PTCH1: variants seen among roughly 807,000 people sequenced by gnomAD.
The protein encoded by PTCH1 is patched 1, also known as protein patched homolog 1.
A neutral mutation model predicts 144.6 loss-of-function variants in PTCH1; 14 were observed. That is an observed-to-expected ratio of 0.10 (90% CI 0.06 to 0.15). The LOEUF (loss-of-function observed/expected upper bound fraction) is 0.15. PTCH1 is among the 10% of genes least tolerant of loss of function. The pLI, the probability that PTCH1 is intolerant of heterozygous loss-of-function variation, is 1.00. For missense variants in PTCH1, 1,623 were observed against 1,948.3 expected, an observed-to-expected ratio of 0.83 and a Z score of 3.14; for synonymous variants, 833 against 793.6, an observed-to-expected ratio of 1.05 and a Z score of -0.83.
At position 95,508,252 on chromosome 9, in the gene PTCH1, C is replaced by T. The variant is rs748780206; in HGVS notation, c.110G>A (p.Gly37Glu). 5 of 1,601,446 alleles carry T rather than the reference C, an allele frequency of 3.1e-6. No homozygotes were observed. In the East Asian group the frequency reaches 1.1e-4, roughly 36 times the overall value. ...PAGGGRRRRT[G>E]GLRRAAAPDR... is the part of the protein sequence containing the mutation. ...CGGCGCGGCAGCACGGCGCAGCCCC[C>T]CCGTCCGTCTGCGCCTCCCGCCTCC... Residue 37 changes from glycine (G) to glutamate (E), a missense_variant, in exon 1 of 24, where the codon GGG (glycine) becomes GAG (glutamate). Gly to Glu is a moderately conservative substitution (Grantham distance 98). Coordinates refer to ENST00000331920, the MANE Select transcript of PTCH1 (RefSeq NM_000264.5).
rs1402755156 is a variant in PTCH1, at chr9:95,502,552, G to A, written c.394+3855C>T. The stretch of plus-strand genomic sequence containing the variant: ...ATTCTCTATCAAACCTCATTACTCC[G>A]CACATATGTGAAACTGATTTGACAA... On this transcript the variant is annotated intron_variant, in intron 2 of 23. Coordinates refer to ENST00000331920, the MANE Select transcript of PTCH1 (RefSeq NM_000264.5). Among the ~76,000 whole-genome samples the A allele has an allele frequency of 2.6e-5, 4 of 152,152 alleles. No homozygotes were observed. The East Asian group carries it at 5.8e-4, about 22-fold the overall frequency.
rs1841594482 is a variant in PTCH1 at position 95,482,167 on chromosome 9, T to G, written c.621A>C (p.Gly207=). ...TGTAACCTGTTTCTGTGATAAGCTC[T>G]CCTGATTTGTAACACAAATGTTCCA... ...WKLEHLCYKS[G]ELITETGYMD... is the part of the protein sequence containing the mutation. Residue 207 remains glycine (G), a synonymous_variant, in exon 4 of 24, where the codon GGA becomes GGC. Coordinates refer to ENST00000331920, the MANE Select transcript of PTCH1 (RefSeq NM_000264.5). 1 of 1,614,034 alleles carries G rather than the reference T, an allele frequency of 6.2e-7. No individual in the cohort carries two copies. The highest frequency in any genetic ancestry group is 8.5e-7 in the Non-Finnish European group (1 of 1,180,004).
intron 22 of PTCH1, among the ~76,000 whole-genome samples, chr9:95,447,886 C>G (rs1219939218): frequency 6.6e-6 from 1 of 152,226 alleles, no homozygotes; most frequent in East Asian, 1.9e-4. Flanking sequence ...AACACAGTAG[C>G]CGCTCCAGAC....
At chr9:95,478,363 A>C (rs1183188268) in intron 8 of PTCH1, among the ~76,000 whole-genome samples, 177 bp from the exon 9 acceptor site, 1 of 151,950 alleles carries the variant, frequency 6.6e-6, no homozygotes, top group Non-Finnish European at 1.5e-5. Flanking sequence ...ACATTAAAGA[A>C]CCCTGTTTTA....
Position 95,507,919 on chromosome 9 carries a change from C to CACAT in PTCH1, c.201+241_201+242insATGT, listed in dbSNP as rs3035247. 8 of 1,394,564 alleles carry CACAT rather than the reference C, an allele frequency of 5.7e-6. No individual in the cohort carries two copies. The East Asian group carries it at 1.7e-4, about 30-fold the overall frequency. 86.4% of individuals were successfully genotyped at this position (1,394,564 alleles called of 1,614,324 possible). On this transcript the variant is annotated intron_variant, in intron 1 of 23. Transcript: ENST00000331920. ...GGGCGTGTGTATACACACACACACA[C>CACAT]GCACACACACACACCTCCACCCCCT...
At chr9:95,490,015 G>T (rs796426397) in intron 2 of PTCH1, among the ~76,000 whole-genome samples, 33 of 149,150 alleles carry the variant, frequency 2.2e-4, no homozygotes, top group African/African-American at 7.9e-4. Context: ...TGTTAGCCAG[G>T]ATGGTCTCGA....
At chr9:95,469,524 A>T (rs536312827) in intron 13 of PTCH1, among the ~76,000 whole-genome samples, 27 of 152,290 alleles carry the variant, frequency 1.8e-4, no homozygotes, top group Admixed American at 6.5e-4. Flanking sequence ...TAATGCAGAG[A>T]TATGAAACAT....
intron 14 of PTCH1, among the ~76,000 whole-genome samples, chr9:95,468,285 G>A (rs1219343671): frequency 6.6e-6 from 1 of 152,152 alleles, no homozygotes; most frequent in East Asian, 1.9e-4. Context: ...TCGAACTCCT[G>A]GGTTCAAGCA....
chr9:95,515,066 G>T (rs371742869), intron 1 of PTCH1, among the ~76,000 whole-genome samples: 22 of 149,532 alleles, frequency 1.5e-4, no homozygotes, highest in East Asian at 7.9e-4. Flanking sequence ...CCATGCACCT[G>T]AGGCAACAAT....
chr9:95,512,910 C>T (rs1005840931), upstream of PTCH1, among the ~76,000 whole-genome samples: 6 of 152,216 alleles, frequency 3.9e-5, no homozygotes, highest in African/African-American at 1.4e-4. Flanking sequence ...TCCATTTCCC[C>T]TTTCCAAGTA....
At chr9:95,516,588 CG>C in exon 1 of PTCH1, 5 of 1,586,852 alleles carry the variant, frequency 3.2e-6, no homozygotes, top group Non-Finnish European at 4.3e-6. Context: ...TCCGCTCCTC[CG>C]TCTTCTCCCA....
chr9:95,486,293 C>G (rs1284570372), intron 2 of PTCH1, among the ~76,000 whole-genome samples: 3 of 152,228 alleles, frequency 2.0e-5, no homozygotes, highest in Non-Finnish European at 4.4e-5. Context: ...CCTAAGTAAA[C>G]TGGCAAAGGT....
Position 95,508,209 on chromosome 9 carries a change from G to A in PTCH1, c.153C>T (p.His51=), listed in dbSNP as rs1587700385. ...RAAAPDRDYL[H]RPSYCDAAFA... Reference sequence around the variant, plus strand: ...AGGCGGCGTCGCAGTAGCTGGGCCGGTGCAGATAGTCCCGGTCCGGCGCGG... The same window carrying A: ...AGGCGGCGTCGCAGTAGCTGGGCCGATGCAGATAGTCCCGGTCCGGCGCGG... Residue 51 remains histidine, a synonymous_variant, in exon 1 of 24, where the codon CAC becomes CAT. Transcript: ENST00000331920. The A allele has an allele frequency of 6.2e-7, 1 of 1,612,130 alleles. No homozygotes were observed. The highest frequency in any genetic ancestry group is 8.5e-7 in the Non-Finnish European group (1 of 1,179,710).
intron 2 of PTCH1, among the ~76,000 whole-genome samples, chr9:95,497,959 C>T (rs1010372892): frequency 6.7e-6 from 1 of 149,768 alleles, no homozygotes; most frequent in African/African-American, 2.5e-5. Context: ...CACCCTGCCT[C>T]GTGGCACGGA....
rs1838295037 is a variant in PTCH1 at position 95,449,795 on chromosome 9, G to A, written c.3549+46C>T. ...AGTGAAGAGCGGCACAGGAAACACA[G>A]CATTCAGCCGGCCTACACGTGGGAC... On this transcript the variant is annotated intron_variant, in intron 21 of 23. Transcript: ENST00000331920. The surrounding 1 kb of genome is among the most constrained non-coding windows in gnomAD (Gnocchi z 5.3). The A allele has an allele frequency of 2.4e-5, 37 of 1,523,214 alleles. No individual in the cohort carries two copies. Among genetic ancestry groups the A allele is most frequent in the Non-Finnish European group, 3.4e-5 (37 of 1,099,120 alleles). The allele number at this position is 1,523,214 out of a possible 1,614,324, so 94.4% of individuals were successfully genotyped here.
chr9:95,476,926 TAG>T lies in PTCH1; in HGVS notation c.1504-71_1504-70del. On this transcript the variant is annotated intron_variant, in intron 10 of 23. Coordinates refer to ENST00000331920, the MANE Select transcript of PTCH1 (RefSeq NM_000264.5). This position sits in a 1 kb window ranked among gnomAD's most constrained non-coding sequence, Gnocchi z 4.6. ...CAATTCAGATGATTCTAAAGCTAGT[TAG>T]GACTCTGCCACCAGCACCTAACAGC... The T allele has an allele frequency of 6.9e-7, 1 of 1,452,746 alleles. No homozygotes were observed. Among genetic ancestry groups the T allele is most frequent in the East Asian group, 2.4e-5 (1 of 41,456 alleles). 90.0% of individuals were successfully genotyped at this position (1,452,746 alleles called of 1,614,324 possible). A position where few individuals can be genotyped will look rare whatever the true frequency, so the allele number is the denominator to read the frequency against.
intron 5 of PTCH1, among the ~76,000 whole-genome samples, chr9:95,480,907 ATTTTT>A (rs3215875): frequency 6.7e-6 from 1 of 150,208 alleles, no homozygotes; most frequent in Non-Finnish European, 1.5e-5. Context: ...CCAAAATTAA[ATTTTT>A]TTTTTTTTAA....
Position 95,453,551 on chromosome 9 carries a change from C to T in PTCH1, c.3376G>A (p.Val1126Ile), listed in dbSNP as rs147025073. 259 of 1,614,120 alleles carry T rather than the reference C, an allele frequency of 1.6e-4. No homozygotes were observed. The highest frequency in any genetic ancestry group is 1.6e-4 in the Middle Eastern group (1 of 6,062). ...VLALEHMFAP[V>I]LDGAVSTLLG... ...AGAGTGGACACGGCGCCATCCAGGACGGGTGCAAACATGTGCTCCAGGGCA... is the reference window on the plus strand; with the variant it reads ...AGAGTGGACACGGCGCCATCCAGGATGGGTGCAAACATGTGCTCCAGGGCA... The change falls in exon 20 of 24, where the codon GTC becomes ATC. Residue 1126 changes from valine to isoleucine, a missense_variant. Coordinates refer to ENST00000331920, the MANE Select transcript of PTCH1 (RefSeq NM_000264.5).
At position 95,458,409 on chromosome 9, in the gene PTCH1, CA is replaced by C. The variant is rs1839159643; in HGVS notation, c.2888-117del. 7.5e-7 allele frequency: 1 copy of C among 1,334,310 alleles called. No individual in the cohort carries two copies. The highest frequency in any genetic ancestry group is 2.5e-5 in the East Asian group (1 of 39,710). The allele number at this position is 1,334,310 out of a possible 1,614,324, so 82.7% of individuals were successfully genotyped here. The stretch of plus-strand genomic sequence containing the variant: ...TTACTGACTGCTCTTCTACATGATA[CA>C]AAGAACAAACAATGCTGATCATAGC... On this transcript the variant is annotated intron_variant, in intron 17 of 23. Transcript: ENST00000331920. This position sits in a 1 kb window ranked among gnomAD's most constrained non-coding sequence, Gnocchi z 4.7.
Sources: allele counts gnomAD v4.1 joint callset (sites outside exome capture counted in the v4.1 genomes callset), GRCh38; gene constraint gnomAD v4.1.1; non-coding constraint Gnocchi (gnomAD v3.1); transcripts MANE v1.5; gene names NCBI Gene and HGNC (gene_info 2026-07-23, HGNC 2026-07-21).